GLRA3: variants seen among roughly 807,000 people sequenced by gnomAD.
GLRA3 encodes the protein glycine receptor alpha 3, also known as glycine receptor subunit alpha-3.
A neutral mutation model predicts 60.4 loss-of-function variants in GLRA3; 44 were observed. The ratio of observed to expected loss-of-function variants is 0.73; its 90% CI spans 0.57 to 0.94. The LOEUF (loss-of-function observed/expected upper bound fraction) is 0.94. Among genes scored for constraint, GLRA3 ranks in the 40% least tolerant of loss-of-function variants. The probability of loss-of-function intolerance (pLI) is 0.00; values close to 1 mark genes in which losing one functional copy is unlikely to be tolerated. For synonymous variants in GLRA3, 223 were observed against 192.9 expected (o/e 1.16, Z -1.29); for missense variants, 508 against 564.6 (o/e 0.90, Z 1.02).
rs1292172768 is a variant in GLRA3, at chr4:174,638,913, A to G, written c.*4873T>C. ...ATATGTATGTATTTTTAAAATGTGT[A>G]AGGAATTCCAACACATAGCCAGGGT... On this transcript the variant is annotated 3_prime_UTR_variant, in exon 10 of 10. Transcript: ENST00000274093. 3 of 152,236 alleles carry G rather than the reference A, an allele frequency of 2.0e-5. No homozygotes were observed. The highest frequency in any genetic ancestry group is 2.0e-4 in the Admixed American group (3 of 15,284). 9.4% of individuals were successfully genotyped at this position (152,236 alleles called of 1,614,324 possible).
chr4:174,664,904 A>G (rs1264829484), intron 7 of GLRA3, among the ~76,000 whole-genome samples: 1 of 152,194 alleles, frequency 6.6e-6, no homozygotes, highest in Non-Finnish European at 1.5e-5. Context: ...TAGGTGTTAC[A>G]GGTATAGAGA....
intron 5 of GLRA3, among the ~76,000 whole-genome samples, chr4:174,695,359 A>G (rs910120698): frequency 6.6e-6 from 1 of 152,184 alleles, no homozygotes; most frequent in African/African-American, 2.4e-5. Context: ...TTTCAAACTG[A>G]AACCAGCAGC....
At position 174,652,980 on chromosome 4, in the gene GLRA3, A is replaced by G. The variant is rs187992114; in HGVS notation, c.1116+3763T>C. Among the ~76,000 whole-genome samples, 44 of 152,246 alleles carry G rather than the reference A, an allele frequency of 2.9e-4. 1 individual carries two copies. The highest frequency in any genetic ancestry group is 1.0e-3 in the African/African-American group (42 of 41,574). On this transcript the variant is annotated intron_variant, in intron 9 of 9. Coordinates refer to ENST00000274093, the MANE Select transcript of GLRA3 (RefSeq NM_006529.4). The stretch of plus-strand genomic sequence containing the variant: ...TATGTGAATTGCTGTAAGATATAAC[A>G]GCATTAAACACATTATTTGCATCTT...
At chr4:174,806,658 T>C (rs958136739) in intron 1 of GLRA3, among the ~76,000 whole-genome samples, 4 of 152,046 alleles carry the variant, frequency 2.6e-5, no homozygotes, top group Admixed American at 6.6e-5. Context: ...AGAGATGATT[T>C]AAGGTATGTG....
At chr4:174,802,861 G>A (rs543907143) in intron 1 of GLRA3, among the ~76,000 whole-genome samples, 1 of 152,130 alleles carries the variant, frequency 6.6e-6, no homozygotes, top group East Asian at 1.9e-4. Context: ...TTTTAACCAG[G>A]CTTGATATTG....
chr4:174,693,689 A>C (rs986831315), intron 5 of GLRA3, among the ~76,000 whole-genome samples: 7 of 152,212 alleles, frequency 4.6e-5, no homozygotes, highest in Non-Finnish European at 1.0e-4. Flanking sequence ...TCTGTGAAGA[A>C]TGTCATTGTT....
intron 9 of GLRA3, among the ~76,000 whole-genome samples, chr4:174,650,408 A>G (rs1327069049): frequency 6.6e-6 from 1 of 152,158 alleles, no homozygotes; most frequent in African/African-American, 2.4e-5. Flanking sequence ...CTGCTAAAAC[A>G]CACATAGACT....
Position 174,656,797 on chromosome 4 carries a change from G to A in GLRA3, c.1072-10C>T. ...GTGCAAAAGCTTCTGTCTGTGGGAA[G>A]GTAAAGTGGACCAAGAGGAATTGAG... is the stretch of plus-strand genomic sequence containing the variant. On this transcript the variant is annotated splice_polypyrimidine_tract_variant and intron_variant, in intron 8 of 9. Transcript: ENST00000274093. The A allele has an allele frequency of 6.5e-7, 1 of 1,549,392 alleles. No homozygotes were observed. The highest frequency in any genetic ancestry group is 8.9e-7 in the Non-Finnish European group (1 of 1,121,524).
At chr4:174,655,827 A>C (rs1733173733) in intron 9 of GLRA3, among the ~76,000 whole-genome samples, 1 of 152,120 alleles carries the variant, frequency 6.6e-6, no homozygotes, top group Non-Finnish European at 1.5e-5. Context: ...ATTATATATT[A>C]TAAGAGAACG....
At chr4:174,747,047 C>T (rs1337702482) in intron 3 of GLRA3, among the ~76,000 whole-genome samples, 1 of 152,106 alleles carries the variant, frequency 6.6e-6, no homozygotes. Context: ...TGTTTGTTTA[C>T]ATAATTATAA....
intron 1 of GLRA3, among the ~76,000 whole-genome samples, chr4:174,816,567 A>G (rs1422155286): frequency 1.3e-5 from 2 of 151,934 alleles, no homozygotes; most frequent in Non-Finnish European, 2.9e-5. Flanking sequence ...TACTAAAAGA[A>G]TAAATATGAT....
intron 2 of GLRA3, among the ~76,000 whole-genome samples, chr4:174,768,483 A>T (rs987264858): frequency 2.6e-5 from 4 of 152,044 alleles, no homozygotes; most frequent in Non-Finnish European, 4.4e-5. Context: ...AAGGATTTTT[A>T]TTTTTATAAG....
intron 9 of GLRA3, among the ~76,000 whole-genome samples, chr4:174,651,915 T>C (rs1477369414): frequency 6.6e-6 from 1 of 152,082 alleles, no homozygotes; most frequent in African/African-American, 2.4e-5. Context: ...ATCTCAACTC[T>C]GTGGGAAGGA....
chr4:174,652,174 T>C (rs1250243540), intron 9 of GLRA3, among the ~76,000 whole-genome samples: 1 of 152,156 alleles, frequency 6.6e-6, no homozygotes, highest in African/African-American at 2.4e-5. Context: ...TTATCCTGTG[T>C]TTATGTATGC....
intron 3 of GLRA3, among the ~76,000 whole-genome samples, chr4:174,749,595 G>C (rs914150061): frequency 1.3e-5 from 2 of 152,102 alleles, no homozygotes; most frequent in Non-Finnish European, 2.9e-5. Flanking sequence ...AATGTCACAG[G>C]CATGAGGGAG....
intron 6 of GLRA3, among the ~76,000 whole-genome samples, chr4:174,678,802 G>T (rs1734227499): frequency 6.6e-6 from 1 of 152,080 alleles, no homozygotes; most frequent in Non-Finnish European, 1.5e-5. Context: ...TAAATATAAA[G>T]ATTTAAATTT....
At chr4:174,718,450 C>T (rs1736005823) in intron 4 of GLRA3, among the ~76,000 whole-genome samples, 1 of 152,118 alleles carries the variant, frequency 6.6e-6, no homozygotes, top group Non-Finnish European at 1.5e-5. Context: ...AACATTAGTA[C>T]TTAGTGAAAC....
chr4:174,800,264 A>C (rs1739754097), intron 1 of GLRA3, among the ~76,000 whole-genome samples: 1 of 152,144 alleles, frequency 6.6e-6, no homozygotes, highest in African/African-American at 2.4e-5. Flanking sequence ...AGGGCAGTTG[A>C]TAGTAAAGTA....
chr4:174,783,802 T>C (rs1460480295), intron 2 of GLRA3, among the ~76,000 whole-genome samples: 1 of 151,850 alleles, frequency 6.6e-6, no homozygotes. Context: ...GTGGCAATCA[T>C]TAAAAAGTCA....
Sources: allele counts gnomAD v4.1 joint callset (sites outside exome capture counted in the v4.1 genomes callset), GRCh38; gene constraint gnomAD v4.1.1; transcripts MANE v1.5; gene names NCBI Gene and HGNC (gene_info 2026-07-23, HGNC 2026-07-21).